FREM2: variants seen among roughly 807,000 people sequenced by gnomAD.
FREM2 encodes FRAS1-related extracellular matrix protein 2.
FREM2 carries 119 observed loss-of-function variants against 219.9 expected under a neutral mutation model. The observed-to-expected ratio is 0.54, with a 90% CI of 0.47 to 0.63. The LOEUF (loss-of-function observed/expected upper bound fraction) is 0.63. Ranked by LOEUF, FREM2 falls within the 30% of genes least tolerant of loss-of-function variation. The pLI, the probability that FREM2 is intolerant of heterozygous loss-of-function variation, is 0.00. For missense variants in FREM2, 4,030 were observed against 3,993.6 expected (o/e 1.01, Z -0.25); for synonymous variants, 1,562 against 1,522.8 (o/e 1.03, Z -0.60).
chr13:38,812,716 A>C (rs140187524), intron 6 of FREM2, among the ~76,000 whole-genome samples: 124 of 152,082 alleles, frequency 8.2e-4, no homozygotes, highest in African/African-American at 2.9e-3. Context: ...CCCTGTCTCT[A>C]CAATAAAACT....
chr13:38,841,806 ATGT>A (rs1876974463), intron 6 of FREM2, among the ~76,000 whole-genome samples: 1 of 152,146 alleles, frequency 6.6e-6, no homozygotes. Context: ...TTCTACTTTG[ATGT>A]TAATTCATTC....
chr13:38,739,300 C>G (rs543397839), intron 2 of FREM2, among the ~76,000 whole-genome samples: 1 of 152,152 alleles, frequency 6.6e-6, no homozygotes, highest in African/African-American at 2.4e-5. Flanking sequence ...GATTTAATAA[C>G]TTACATTTGT....
At chr13:38,736,591 T>C (rs1197726202) in intron 2 of FREM2, among the ~76,000 whole-genome samples, 7 of 152,360 alleles carry the variant, frequency 4.6e-5, no homozygotes, top group African/African-American at 1.4e-4. Flanking sequence ...CTGTCAGGTA[T>C]GCAGCAAGAT....
Position 38,880,573 on chromosome 13 carries a change from C to G in FREM2, c.9296C>G (p.Pro3099Arg). ...HGRAPPDGIL[P>R]WELNSPSSAV... The stretch of plus-strand genomic sequence containing the variant: ...AGAGCACCTCCAGATGGCATCCTCC[C>G]CTGGGAGCTCAACAGCCCCAGCTCT... The change falls in exon 24 of 24, where the codon CCC becomes CGC. Residue 3099 changes from proline to arginine, a missense_variant. Pro to Arg is a moderately radical substitution (Grantham distance 103). Coordinates refer to ENST00000280481, the MANE Select transcript of FREM2 (RefSeq NM_207361.6). The G allele has an allele frequency of 6.2e-7, 1 of 1,614,110 alleles. No homozygotes were observed. The highest frequency in any genetic ancestry group is 8.5e-7 in the Non-Finnish European group (1 of 1,179,966).
At position 38,882,133 on chromosome 13, in the gene FREM2, G is replaced by T. The variant is rs1231066375; in HGVS notation, c.*1346G>T. On this transcript the variant is annotated 3_prime_UTR_variant, in exon 24 of 24. Coordinates refer to ENST00000280481, the MANE Select transcript of FREM2 (RefSeq NM_207361.6). The stretch of plus-strand genomic sequence containing the variant: ...GAACTTGAGTGAGCTTCCTTGGCAA[G>T]CCTCCCATTGCCTTTCTGCATCAAT... 6.6e-6 allele frequency: 1 copy of T among 152,158 alleles called. No individual in the cohort carries two copies. Among genetic ancestry groups the T allele is most frequent in the African/African-American group, 2.4e-5 (1 of 41,440 alleles). The allele number at this position is 152,158 out of a possible 1,614,324, so 9.4% of individuals were successfully genotyped here.
chr13:38,836,075 G>A (rs1876694533), intron 6 of FREM2, among the ~76,000 whole-genome samples: 1 of 152,056 alleles, frequency 6.6e-6, no homozygotes, highest in South Asian at 2.1e-4. Context: ...ATTGGCTGTG[G>A]GTTTGTCATA....
At chr13:38,788,870 G>A (rs1451608954) in intron 6 of FREM2, among the ~76,000 whole-genome samples, 1 of 152,026 alleles carries the variant, frequency 6.6e-6, no homozygotes, top group Non-Finnish European at 1.5e-5. Flanking sequence ...TCAGGAATAA[G>A]TATTAAACAT....
At position 38,688,359 on chromosome 13, in the gene FREM2, A is replaced by G. The variant is rs1366342498; in HGVS notation, c.1015A>G (p.Thr339Ala). Reference protein sequence around the residue: ...EVDQFVLTALTPDMLAAEDAE... With the variant: ...EVDQFVLTALAPDMLAAEDAE... ...GGACCAGTTTGTACTGACGGCCCTG[A>G]CCCCAGACATGCTGGCAGCCGAGGA... Residue 339 changes from threonine to alanine, a missense_variant, in exon 1 of 24, where the codon ACC becomes GCC. Physicochemically the swap from Thr to Ala is moderately conservative, Grantham distance 58. Transcript: ENST00000280481. 1.1e-5 allele frequency: 17 copies of G among 1,613,958 alleles called. No homozygotes were observed. Among genetic ancestry groups the G allele is most frequent in the Non-Finnish European group, 1.4e-5 (17 of 1,180,000 alleles).
intron 6 of FREM2, among the ~76,000 whole-genome samples, chr13:38,796,338 A>C (rs560125450): frequency 6.6e-6 from 1 of 152,290 alleles, no homozygotes; most frequent in Admixed American, 6.5e-5. Flanking sequence ...TGTTCTGGTA[A>C]AGAACTGGGG....
chr13:38,704,578 A>G (rs1394500348), intron 2 of FREM2, among the ~76,000 whole-genome samples: 1 of 152,204 alleles, frequency 6.6e-6, no homozygotes, highest in Non-Finnish European at 1.5e-5. Context: ...TGAACAAACC[A>G]GAGAAGGTAA....
At chr13:38,810,116 T>A (rs556800811) in intron 6 of FREM2, among the ~76,000 whole-genome samples, 1 of 152,056 alleles carries the variant, frequency 6.6e-6, no homozygotes, top group Non-Finnish European at 1.5e-5. Flanking sequence ...TAAATTTCTT[T>A]TTCAGATTGT....
intron 4 of FREM2, among the ~76,000 whole-genome samples, chr13:38,772,090 C>T (rs1873687776): frequency 6.6e-6 from 1 of 152,040 alleles, no homozygotes; most frequent in Non-Finnish European, 1.5e-5. Flanking sequence ...ATTCACCTGC[C>T]CTAGGAGCCG....
chr13:38,843,108 C>T (rs1311902324), intron 6 of FREM2, among the ~76,000 whole-genome samples: 1 of 152,154 alleles, frequency 6.6e-6, no homozygotes, highest in African/African-American at 2.4e-5. Context: ...ATAAACTTAT[C>T]TTTCCTCTGC....
At position 38,851,713 on chromosome 13, in the gene FREM2, A is replaced by T. The variant is rs1877377276; in HGVS notation, c.6770A>T (p.Lys2257Ile). Reference sequence around the variant, plus strand: ...ACTGTTATTAAATTTGGAGAAACCAAATTTAGTGTCACTGAACCCAAAGAA... The same window carrying T: ...ACTGTTATTAAATTTGGAGAAACCATATTTAGTGTCACTGAACCCAAAGAA... The part of the protein sequence containing the change: ...DKTVIKFGET[K>I]FSVTEPKEPG... The change falls in exon 11 of 24, where the codon AAA becomes ATA. Residue 2257 changes from lysine (K) to isoleucine (I), a missense_variant. This residue lies in a region of FREM2 where 3,102 missense variants were observed against 2,950.7 expected (regional missense o/e 1.05). Coordinates refer to ENST00000280481, the MANE Select transcript of FREM2 (RefSeq NM_207361.6). The T allele has an allele frequency of 6.2e-7, 1 of 1,613,274 alleles. No individual in the cohort carries two copies.
chr13:38,695,059 A>AT (rs1870049874), intron 1 of FREM2, among the ~76,000 whole-genome samples: 1 of 152,252 alleles, frequency 6.6e-6, no homozygotes, highest in Non-Finnish European at 1.5e-5. Flanking sequence ...TTTAATGTAT[A>AT]TTTAACAACT....
chr13:38,707,851 A>T (rs998266914), intron 2 of FREM2, among the ~76,000 whole-genome samples: 1 of 152,242 alleles, frequency 6.6e-6, no homozygotes, highest in Non-Finnish European at 1.5e-5. Context: ...CTGCTATAAA[A>T]TTATGAAAGG....
intron 4 of FREM2, among the ~76,000 whole-genome samples, chr13:38,779,268 C>G (rs1387656856): frequency 2.6e-5 from 4 of 151,948 alleles, no homozygotes; most frequent in Non-Finnish European, 5.9e-5. Flanking sequence ...AGGACAAATA[C>G]CTAATGCATG....
Position 38,690,112 on chromosome 13 carries a change from A to G in FREM2, c.2768A>G (p.His923Arg). ...TCCTTGGAAGTCAGTGACAGACATC[A>G]TGTGGTGCCCATCACTCTCAGAGTA... is the stretch of plus-strand genomic sequence containing the variant. ...SCSLEVSDRH[H>R]VVPITLRVNV... Residue 923 changes from histidine (H) to arginine (R), a missense_variant, in exon 1 of 24, where the codon CAT becomes CGT. His to Arg is a conservative substitution (Grantham distance 29). Coordinates refer to ENST00000280481, the MANE Select transcript of FREM2 (RefSeq NM_207361.6). 6.2e-7 allele frequency: 1 copy of G among 1,614,148 alleles called. No individual in the cohort carries two copies. The highest frequency in any genetic ancestry group is 8.5e-7 in the Non-Finnish European group (1 of 1,180,032).
At chr13:38,786,951 C>T (rs1874355961) in intron 6 of FREM2, among the ~76,000 whole-genome samples, 1 of 152,096 alleles carries the variant, frequency 6.6e-6, no homozygotes, top group African/African-American at 2.4e-5. Context: ...CATGTTATTA[C>T]TCCACCTTTA....
Sources: allele counts gnomAD v4.1 joint callset (sites outside exome capture counted in the v4.1 genomes callset), GRCh38; gene constraint gnomAD v4.1.1; regional missense constraint gnomAD v4.1.1; transcripts MANE v1.5; gene names NCBI Gene and HGNC (gene_info 2026-07-23, HGNC 2026-07-21).